FBXL13: variants seen among roughly 807,000 people sequenced by gnomAD.
FBXL13 encodes F-box and leucine-rich repeat protein 13.
Under a neutral mutation model 83.6 loss-of-function variants are expected in FBXL13, and 67 were observed. That is an observed-to-expected ratio of 0.80 (90% CI 0.66 to 0.98). FBXL13 has a LOEUF of 0.98. FBXL13 is among the 50% of genes least tolerant of loss of function. FBXL13 has a pLI of 0.00. For missense variants in FBXL13, 822 were observed against 866.5 expected (o/e 0.95, Z 0.64); for synonymous variants, 272 against 299.5 (o/e 0.91, Z 0.95).
At chr7:103,049,121 G>T (rs1017564902) in intron 2 of FBXL13, among the ~76,000 whole-genome samples, 1 of 152,154 alleles carries the variant, frequency 6.6e-6, no homozygotes, top group African/African-American at 2.4e-5. Context: ...TTTAGGACAA[G>T]AATTTACTCT....
intron 10 of FBXL13, among the ~76,000 whole-genome samples, chr7:102,915,296 T>C (rs1815624570): frequency 6.6e-6 from 1 of 151,958 alleles, no homozygotes; most frequent in Non-Finnish European, 1.5e-5. Flanking sequence ...ATTTTAACAA[T>C]CAAAATCGGC....
chr7:103,018,394 T>A (rs866015850), intron 6 of FBXL13, among the ~76,000 whole-genome samples: 1 of 152,066 alleles, frequency 6.6e-6, no homozygotes, highest in African/African-American at 2.4e-5. Flanking sequence ...AAACCATCGA[T>A]GTTAGAAAGA....
At chr7:102,903,566 T>C (rs1455132415) in intron 11 of FBXL13, among the ~76,000 whole-genome samples, 1 of 152,114 alleles carries the variant, frequency 6.6e-6, no homozygotes, top group Non-Finnish European at 1.5e-5. Context: ...ATACATTGTT[T>C]TTATTATGTT....
At chr7:102,968,756 T>C (rs2129481066) in intron 6 of FBXL13, among the ~76,000 whole-genome samples, 1 of 152,326 alleles carries the variant, frequency 6.6e-6, no homozygotes, top group East Asian at 1.9e-4. Flanking sequence ...AATAAGGTGC[T>C]TCATGCTATA....
At chr7:102,847,268 G>A (rs533517752) in intron 17 of FBXL13, among the ~76,000 whole-genome samples, 1 of 152,078 alleles carries the variant, frequency 6.6e-6, no homozygotes, top group South Asian at 2.1e-4. Flanking sequence ...CACAATTGTA[G>A]TCACTGTAGG....
intron 2 of FBXL13, among the ~76,000 whole-genome samples, chr7:103,035,552 C>G (rs1179503461): frequency 6.6e-6 from 1 of 151,882 alleles, no homozygotes; most frequent in South Asian, 2.1e-4. Context: ...AGTAATTGAT[C>G]CCATTAATTT....
At chr7:102,872,314 T>C (rs926789843) in intron 16 of FBXL13, among the ~76,000 whole-genome samples, 2 of 152,192 alleles carry the variant, frequency 1.3e-5, no homozygotes, top group Admixed American at 6.5e-5. Context: ...TTTTTTTCCT[T>C]CATTCAATGA....
chr7:103,034,102 T>C lies in FBXL13; in HGVS notation c.1-4684A>G, dbSNP rs190459415. Among the ~76,000 whole-genome samples the C allele has an allele frequency of 5.3e-4, 81 of 152,320 alleles. 1 individual carries two copies. The highest frequency in any genetic ancestry group is 3.5e-3 in the Admixed American group (54 of 15,300). On this transcript the variant is annotated intron_variant, in intron 2 of 19. Coordinates refer to ENST00000313221, the Ensembl canonical transcript of FBXL13. Reference sequence around the variant, plus strand: ...CCTTGAGCTAGAGACAGAGTGCTGATTGGTGTATTTACAATCCCTTAGCTA... The same window carrying C: ...CCTTGAGCTAGAGACAGAGTGCTGACTGGTGTATTTACAATCCCTTAGCTA...
chr7:103,033,032 T>C (rs1794667269), intron 2 of FBXL13, among the ~76,000 whole-genome samples: 1 of 149,848 alleles, frequency 6.7e-6, no homozygotes, highest in African/African-American at 2.5e-5. Context: ...TCTCTCTCTC[T>C]GTCTGTCTGT....
At chr7:102,977,339 A>T (rs1331561806) in intron 6 of FBXL13, among the ~76,000 whole-genome samples, 1 of 152,244 alleles carries the variant, frequency 6.6e-6, no homozygotes, top group African/African-American at 2.4e-5. Context: ...GGCTAGCACT[A>T]GACTACTTAT....
At chr7:102,995,418 T>A (rs796366878) in intron 6 of FBXL13, among the ~76,000 whole-genome samples, 2 of 144,042 alleles carry the variant, frequency 1.4e-5, no homozygotes, top group African/African-American at 5.3e-5. Flanking sequence ...GAGGCGGAGC[T>A]TGCAGTGAGC....
chr7:102,871,346 G>A (rs1473897683), intron 16 of FBXL13, among the ~76,000 whole-genome samples: 2 of 151,694 alleles, frequency 1.3e-5, no homozygotes, highest in Non-Finnish European at 2.9e-5. Context: ...TTTTAGAGGT[G>A]GGACCTCCAT....
chr7:102,942,416 T>C, intron 8 of FBXL13: 1 of 1,328,046 alleles, frequency 7.5e-7, no homozygotes. Context: ...ATGCCAGACA[T>C]TGTTGTGGAA....
intron 11 of FBXL13, among the ~76,000 whole-genome samples, chr7:102,889,450 T>A (rs939161135): frequency 2.0e-5 from 3 of 152,200 alleles, no homozygotes; most frequent in Admixed American, 2.0e-4. Flanking sequence ...CTAGGGTACA[T>A]GTGCACAACG....
intron 6 of FBXL13, among the ~76,000 whole-genome samples, chr7:102,987,224 C>T (rs1451876063): frequency 6.6e-6 from 1 of 151,856 alleles, no homozygotes; most frequent in Non-Finnish European, 1.5e-5. Context: ...TGACAGGTAC[C>T]CTAAAATTTC....
intron 11 of FBXL13, among the ~76,000 whole-genome samples, chr7:102,888,956 CA>C (rs1811160485): frequency 6.6e-6 from 1 of 152,082 alleles, no homozygotes; most frequent in South Asian, 2.1e-4. Flanking sequence ...GGAAAATGAG[CA>C]TAATAATACC....
chr7:102,893,688 A>G (rs1811823738), intron 11 of FBXL13, among the ~76,000 whole-genome samples: 1 of 151,284 alleles, frequency 6.6e-6, no homozygotes, highest in South Asian at 2.1e-4. Flanking sequence ...GAATGGTGTG[A>G]ACCTGGGAGG....
chr7:103,014,106 C>A (rs898961293), intron 6 of FBXL13, among the ~76,000 whole-genome samples: 1 of 152,160 alleles, frequency 6.6e-6, no homozygotes, highest in African/African-American at 2.4e-5. Flanking sequence ...AATCCCTGTA[C>A]AGACTAATAT....
At chr7:102,834,077 GA>G (rs1441293856) in intron 17 of FBXL13, among the ~76,000 whole-genome samples, 1 of 109,678 alleles carries the variant, frequency 9.1e-6, no homozygotes, top group Non-Finnish European at 1.7e-5. Flanking sequence ...AGGAAGGAAG[GA>G]AGGAAAGAAA....
Sources: gnomAD v4.1 joint callset for allele counts (sites outside exome capture counted in the v4.1 genomes callset) on GRCh38, gnomAD v4.1.1 for gene constraint, MANE v1.5 for transcripts, NCBI Gene and HGNC (gene_info 2026-07-23, HGNC 2026-07-21) for gene names.